Variants in ABCC4 observed in about 807,000 individuals in gnomAD.
ABCC4 encodes the protein ATP-binding cassette sub-family C member 4.
Under a neutral mutation model 168.5 loss-of-function variants are expected in ABCC4, and 102 were observed. The observed-to-expected ratio is 0.61, with a 90% CI of 0.52 to 0.71. ABCC4 has a LOEUF of 0.71. ABCC4 is among the 30% of genes least tolerant of loss of function. The probability of loss-of-function intolerance (pLI) is 0.00; values close to 1 mark genes in which losing one functional copy is unlikely to be tolerated. For synonymous variants in ABCC4, 617 were observed against 590.7 expected (o/e 1.04, Z -0.65); for missense variants, 1,402 against 1,605.8 (o/e 0.87, Z 2.17).
chr13:95,254,189 CGCCTG>C (rs900651876), intron 1 of ABCC4, among the ~76,000 whole-genome samples: 2 of 152,220 alleles, frequency 1.3e-5, no homozygotes, highest in African/African-American at 2.4e-5. Context: ...TGAGCCACTG[CGCCTG>C]GCCTAAAGGG....
chr13:95,072,674 A>C (rs2033772822), intron 24 of ABCC4, among the ~76,000 whole-genome samples: 1 of 152,234 alleles, frequency 6.6e-6, no homozygotes, highest in African/African-American at 2.4e-5. Flanking sequence ...ATACCACCAT[A>C]AACTAATACC....
chr13:95,255,206 C>T (rs1450427853), intron 1 of ABCC4, among the ~76,000 whole-genome samples: 2 of 152,092 alleles, frequency 1.3e-5, no homozygotes, highest in South Asian at 2.1e-4. Context: ...ATGGTGTAGC[C>T]CACCGCCAGC....
chr13:95,188,356 G>C (rs1466562293), intron 10 of ABCC4, 97 bp downstream of exon 10: 1 of 1,103,582 alleles, frequency 9.1e-7, no homozygotes. Context: ...AGTGTACCCA[G>C]TTCAAAATTG....
intron 20 of ABCC4, among the ~76,000 whole-genome samples, chr13:95,114,415 T>C (rs955382750): frequency 6.6e-6 from 1 of 152,212 alleles, no homozygotes; most frequent in African/African-American, 2.4e-5. Flanking sequence ...ACAGAAACTT[T>C]CACAAAATCT....
At chr13:95,271,616 C>G (rs2040849223) in intron 1 of ABCC4, among the ~76,000 whole-genome samples, 1 of 152,188 alleles carries the variant, frequency 6.6e-6, no homozygotes, top group Non-Finnish European at 1.5e-5. Flanking sequence ...CCAAAAATTT[C>G]AGGAAGCGGA....
intron 20 of ABCC4, among the ~76,000 whole-genome samples, chr13:95,100,141 T>A (rs1162285972): frequency 6.6e-6 from 1 of 152,176 alleles, no homozygotes; most frequent in Non-Finnish European, 1.5e-5. Context: ...GGATGCAAAA[T>A]GACAAGAAGA....
chr13:95,076,429 TG>T (rs891945701), intron 21 of ABCC4, among the ~76,000 whole-genome samples: 1 of 152,140 alleles, frequency 6.6e-6, no homozygotes, highest in African/African-American at 2.4e-5. Context: ...CTTTTTTCTT[TG>T]GGAGCTGTAT....
chr13:95,061,573 T>C (rs910256903), intron 26 of ABCC4, among the ~76,000 whole-genome samples: 23 of 150,654 alleles, frequency 1.5e-4, no homozygotes, highest in Non-Finnish European at 2.8e-4. Context: ...TCTCTGTGTT[T>C]CTCTTCTCCA....
At chr13:95,296,161 CACACACACACACACACACACACAA>C (rs879306490) in intron 1 of ABCC4, among the ~76,000 whole-genome samples, 930 of 78,304 alleles carry the variant, frequency 0.012, 15 homozygotes, top group Non-Finnish European at 0.012. Flanking sequence ...CACACACACA[CACACACACACACACACACACACAA>C]AAACACAAAA....
chr13:95,078,412 C>CA (rs996585593), intron 21 of ABCC4, among the ~76,000 whole-genome samples: 54 of 84,328 alleles, frequency 6.4e-4, no homozygotes, highest in African/African-American at 1.6e-3. Context: ...GACTATGTCT[C>CA]AAAAAAACAA....
rs2038388468 is a variant in ABCC4 at position 95,195,524 on chromosome 13, C to T, written c.1162-587G>A. ...CCCTCGTGCACGTCAAATTGACATA[C>T]AACTTAATTCACTATCACTTAAGTC... is the stretch of plus-strand genomic sequence containing the variant. On this transcript the variant is annotated intron_variant, in intron 8 of 30. Coordinates refer to ENST00000645237, the MANE Select transcript of ABCC4 (RefSeq NM_005845.5). Among the ~76,000 whole-genome samples, 3 of 152,324 alleles carry T rather than the reference C, an allele frequency of 2.0e-5. No individual in the cohort carries two copies. The South Asian group carries it at 6.2e-4, about 32-fold the overall frequency.
intron 29 of ABCC4, among the ~76,000 whole-genome samples, chr13:95,037,084 C>CA (rs57294033): frequency 0.54 from 57,022 of 105,854 alleles, 16,868 homozygotes; most frequent in South Asian, 0.68. Flanking sequence ...ACTCTGTGTC[C>CA]AAAAAAAAAA....
At chr13:95,124,538 G>C (rs938436134) in intron 19 of ABCC4, among the ~76,000 whole-genome samples, 1 of 139,206 alleles carries the variant, frequency 7.2e-6, no homozygotes, top group Non-Finnish European at 1.5e-5. Context: ...GACTGGGCAA[G>C]GGAGCAAGAA....
At chr13:95,223,840 T>C (rs575193121) in intron 4 of ABCC4, among the ~76,000 whole-genome samples, 1 of 152,130 alleles carries the variant, frequency 6.6e-6, no homozygotes, top group East Asian at 1.9e-4. Context: ...ACTCTAGAGC[T>C]GCAATACTGA....
intron 30 of ABCC4, among the ~76,000 whole-genome samples, chr13:95,022,217 G>A (rs1265187516): frequency 2.0e-5 from 3 of 152,168 alleles, no homozygotes; most frequent in African/African-American, 4.8e-5. Flanking sequence ...CTATAGAAAT[G>A]TGGTCTGTGG....
At chr13:95,078,875 T>C (rs1285586483) in intron 21 of ABCC4, among the ~76,000 whole-genome samples, 10 of 152,164 alleles carry the variant, frequency 6.6e-5, no homozygotes, top group Non-Finnish European at 7.4e-5. Context: ...TTCTTCAACA[T>C]AGCTATTGTC....
In ABCC4 at chr13:95,218,907, G is replaced by GAGAGATGAGAGAGAA. The variant is rs150993889; in HGVS notation, c.532-8127_532-8126insTTCTCTCTCATCTCT. On this transcript the variant is annotated intron_variant, in intron 4 of 30. Transcript: ENST00000645237. ...GACAGACAGATGAGAGAGAGAGAAA[G>GAGAGATGAGAGAGAA]AGAGAGAGAGAGAAAGAAAGAGAAA... Among the ~76,000 whole-genome samples the GAGAGATGAGAGAGAA allele has an allele frequency of 1.6e-4, 5 of 31,410 alleles. No individual in the cohort carries two copies. In the East Asian group the frequency reaches 1.7e-3, roughly 10 times the overall value. 20.6% of individuals were successfully genotyped at this position (31,410 alleles called of 152,430 possible). A position where few individuals can be genotyped will look rare whatever the true frequency, so the allele number is the denominator to read the frequency against.
chr13:95,052,953 A>G, intron 27 of ABCC4, 142 bp downstream of exon 27: 1 of 680,838 alleles, frequency 1.5e-6, no homozygotes, highest in Non-Finnish European at 2.6e-6. Flanking sequence ...ATTATAGCAT[A>G]TCCACATCCT....
chr13:95,271,525 A>C (rs533845122), intron 1 of ABCC4, among the ~76,000 whole-genome samples: 2 of 152,190 alleles, frequency 1.3e-5, no homozygotes, highest in Non-Finnish European at 2.9e-5. Flanking sequence ...TTATTACTCT[A>C]TAAAACCACA....
Sources: allele counts gnomAD v4.1 joint callset (sites outside exome capture counted in the v4.1 genomes callset), GRCh38; gene constraint gnomAD v4.1.1; transcripts MANE v1.5; gene names NCBI Gene and HGNC (gene_info 2026-07-23, HGNC 2026-07-21).